GDPD1: variants seen among roughly 807,000 people sequenced by gnomAD.
GDPD1 encodes the protein glycerophosphodiester phosphodiesterase domain containing 1.
A neutral mutation model predicts 45.1 loss-of-function variants in GDPD1; 28 were observed. That is an observed-to-expected ratio of 0.62 (90% CI 0.46 to 0.85). The LOEUF (loss-of-function observed/expected upper bound fraction) is 0.85, where lower values mean the gene tolerates loss of function less well. Ranked by LOEUF, GDPD1 falls within the 40% of genes least tolerant of loss-of-function variation. GDPD1 has a pLI of 0.00. For synonymous variants in GDPD1, 139 were observed against 131.4 expected (o/e 1.06, Z -0.40); for missense variants, 256 against 364.8 (o/e 0.70, Z 2.43).
At chr17:59,256,105 G>T (rs1290120332) in intron 4 of GDPD1, among the ~76,000 whole-genome samples, 4 of 151,608 alleles carry the variant, frequency 2.6e-5, no homozygotes, top group East Asian at 1.9e-4. Context: ...GATCACTTGA[G>T]CTCAGGATTT....
intron 4 of GDPD1, among the ~76,000 whole-genome samples, chr17:59,252,695 C>CA (rs55764801): frequency 0.018 from 2,612 of 145,372 alleles, 67 homozygotes; most frequent in African/African-American, 0.061. Flanking sequence ...GAGACTGTCT[C>CA]AAAAAAAAAA....
chr17:59,242,799 A>G (rs1056462649), intron 2 of GDPD1, among the ~76,000 whole-genome samples: 3 of 152,182 alleles, frequency 2.0e-5, no homozygotes, highest in Non-Finnish European at 4.4e-5. Context: ...TCACCAGGCC[A>G]CCACACATGA....
Position 59,275,057 on chromosome 17 carries a change from G to T in GDPD1, c.*1284G>T. ...GGGTTTTGCCACGTTGGCCAGACTG[G>T]TCTCGAACTCCTGACCTCAGGTGAT... On this transcript the variant is annotated 3_prime_UTR_variant, in exon 10 of 10. Transcript: ENST00000284116. The T allele has an allele frequency of 1.1e-6, 1 of 940,950 alleles. No individual in the cohort carries two copies. The highest frequency in any genetic ancestry group is 1.4e-5 in the South Asian group (1 of 71,794). 58.3% of individuals were successfully genotyped at this position (940,950 alleles called of 1,614,324 possible).
At chr17:59,223,058 A>G (rs972828806) in intron 1 of GDPD1, among the ~76,000 whole-genome samples, 1 of 152,220 alleles carries the variant, frequency 6.6e-6, no homozygotes, top group African/African-American at 2.4e-5. Context: ...CCAGCACTCC[A>G]TAGGCGTTAA....
chr17:59,254,830 A>G (rs2047284081), intron 4 of GDPD1, among the ~76,000 whole-genome samples: 1 of 152,108 alleles, frequency 6.6e-6, no homozygotes, highest in Non-Finnish European at 1.5e-5. Flanking sequence ...CACCCTTTCC[A>G]CAGAGATGAA....
At chr17:59,229,292 A>G (rs2047071100) in intron 1 of GDPD1, among the ~76,000 whole-genome samples, 1 of 149,636 alleles carries the variant, frequency 6.7e-6, no homozygotes, top group Admixed American at 6.7e-5. Context: ...AGCTGGGATT[A>G]CAGATGCCCG....
chr17:59,241,701 G>A, intron 2 of GDPD1, among the ~76,000 whole-genome samples: 1 of 151,900 alleles, frequency 6.6e-6, no homozygotes, highest in Non-Finnish European at 1.5e-5. Flanking sequence ...GGCCGAGGCG[G>A]GTGGATCACT....
intron 6 of GDPD1, among the ~76,000 whole-genome samples, chr17:59,259,176 T>C (rs2047332703): frequency 6.6e-6 from 1 of 150,946 alleles, no homozygotes; most frequent in African/African-American, 2.4e-5. Context: ...GCCCCTGTAA[T>C]CCCAGCACTT....
At chr17:59,268,784 C>T (rs188607383) in intron 7 of GDPD1, among the ~76,000 whole-genome samples, 4 of 152,174 alleles carry the variant, frequency 2.6e-5, no homozygotes, top group African/African-American at 9.6e-5. Flanking sequence ...TGGCTCACGC[C>T]TGTAATCCCA....
chr17:59,255,813 G>GCGTATATATATACA (rs2047299094), intron 4 of GDPD1, among the ~76,000 whole-genome samples: 1 of 35,632 alleles, frequency 2.8e-5, no homozygotes, highest in African/African-American at 1.9e-4. Context: ...ATATATATAC[G>GCGTATATATATACA]CGTATATATA....
chr17:59,248,642 G>T, intron 3 of GDPD1, 98 bp from the exon 4 acceptor site: 1 of 832,276 alleles, frequency 1.2e-6, no homozygotes, highest in Non-Finnish European at 2.0e-6. Context: ...TTAGTCTTCT[G>T]TATGTTAAAG....
At chr17:59,228,415 G>C (rs1041013047) in intron 1 of GDPD1, among the ~76,000 whole-genome samples, 1 of 152,098 alleles carries the variant, frequency 6.6e-6, no homozygotes, top group Non-Finnish European at 1.5e-5. Context: ...AATGGGAGGA[G>C]AGAAACAGGT....
At chr17:59,226,285 T>C (rs948154792) in intron 1 of GDPD1, among the ~76,000 whole-genome samples, 1 of 151,860 alleles carries the variant, frequency 6.6e-6, no homozygotes, top group African/African-American at 2.4e-5. Flanking sequence ...TAGTTTTAGA[T>C]CAAAACAAGG....
chr17:59,235,703 G>A (rs1318052039), intron 2 of GDPD1, among the ~76,000 whole-genome samples: 1 of 151,890 alleles, frequency 6.6e-6, no homozygotes, highest in South Asian at 2.1e-4. Context: ...TGTAAGCCCA[G>A]CTACTCGGGA....
At position 59,257,515 on chromosome 17, in the gene GDPD1, T is replaced by C. The variant is rs149556412; in HGVS notation, c.487-236T>C. ...TATCTTCTAGTTTAACTTGTTTCAT[T>C]CATGGTTAGTTTATGTCAAATTACT... is the stretch of plus-strand genomic sequence containing the variant. On this transcript the variant is annotated intron_variant, in intron 5 of 9. Transcript: ENST00000284116. Among the ~76,000 whole-genome samples the C allele has an allele frequency of 5.2e-3, 788 of 152,326 alleles. 11 individuals carry two copies. Among genetic ancestry groups the C allele is most frequent in the African/African-American group, 0.018 (745 of 41,570 alleles).
At chr17:59,222,505 C>CTTTTTTTTTTTTTTT (rs149536097) in intron 1 of GDPD1, among the ~76,000 whole-genome samples, 1,882 of 41,724 alleles carry the variant, frequency 0.045, 398 homozygotes, top group Non-Finnish European at 0.066. Context: ...AGTGCCCAGC[C>CTTTTTTTTTTTTTTT]TTTTTTTTTT....
chr17:59,238,405 T>C (rs1358225049), intron 2 of GDPD1, among the ~76,000 whole-genome samples: 1 of 144,516 alleles, frequency 6.9e-6, no homozygotes, highest in Non-Finnish European at 1.5e-5. Flanking sequence ...ATGGCTCTTC[T>C]ATTATTTTTT....
At position 59,275,278 on chromosome 17, in the gene GDPD1, C is replaced by A. The variant is rs2047473588; in HGVS notation, c.*1505C>A. On this transcript the variant is annotated 3_prime_UTR_variant, in exon 10 of 10. Transcript: ENST00000284116. ...ATGTGTAGTTATTTGGCAAGTTATA[C>A]ATAATCAGCAGCAGCCAGGCTCAAG... The A allele has an allele frequency of 3.5e-6, 4 of 1,127,562 alleles. No homozygotes were observed. The highest frequency in any genetic ancestry group is 5.1e-6 in the Non-Finnish European group (4 of 782,154). The allele number at this position is 1,127,562 out of a possible 1,614,324, so 69.8% of individuals were successfully genotyped here. A position where few individuals can be genotyped will look rare whatever the true frequency, so the allele number is the denominator to read the frequency against.
rs199988760 is a variant in GDPD1 at position 59,220,533 on chromosome 17, G to T, written c.-77G>T. The T allele has an allele frequency of 6.9e-4, 1,045 of 1,513,946 alleles. 2 individuals are homozygous for T. In the African/African-American group the frequency reaches 7.7e-3, roughly 11 times the overall value. The allele number at this position is 1,513,946 out of a possible 1,614,324, so 93.8% of individuals were successfully genotyped here. A position where few individuals can be genotyped will look rare whatever the true frequency, so the allele number is the denominator to read the frequency against. On this transcript the variant is annotated 5_prime_UTR_variant, in exon 1 of 10. Transcript: ENST00000284116. ...GGCGAGCCGACCTCGAGCAGCCGCC[G>T]CCGCCGCCGTCGTTGCTACTGCCGC... is the stretch of plus-strand genomic sequence containing the variant.
Sources: allele counts gnomAD v4.1 joint callset (sites outside exome capture counted in the v4.1 genomes callset), GRCh38; gene constraint gnomAD v4.1.1; transcripts MANE v1.5; gene names NCBI Gene and HGNC (gene_info 2026-07-23, HGNC 2026-07-21).